STK39: variants seen among roughly 807,000 people sequenced by gnomAD.
The protein encoded by STK39 is STE20/SPS1-related proline-alanine-rich protein kinase.
STK39 carries 20 observed loss-of-function variants against 77.8 expected under a neutral mutation model. That is an observed-to-expected ratio of 0.26 (90% CI 0.18 to 0.37). The LOEUF (loss-of-function observed/expected upper bound fraction) is 0.37. Among genes scored for constraint, STK39 ranks in the 10% least tolerant of loss-of-function variants. The probability of loss-of-function intolerance (pLI) is 1.00; values close to 1 mark genes in which losing one functional copy is unlikely to be tolerated. For synonymous variants in STK39, 246 were observed against 234.1 expected (o/e 1.05, Z -0.47); for missense variants, 479 against 656.5 (o/e 0.73, Z 2.95).
At chr2:168,220,007 T>TG (rs760068154) in intron 1 of STK39, among the ~76,000 whole-genome samples, 1 of 152,084 alleles carries the variant, frequency 6.6e-6, no homozygotes, top group Non-Finnish European at 1.5e-5. Context: ...AGGAAAGAGA[T>TG]GGAGAGCCTT....
chr2:168,104,836 T>C (rs747734625), intron 10 of STK39, among the ~76,000 whole-genome samples: 13 of 152,126 alleles, frequency 8.5e-5, no homozygotes, highest in Non-Finnish European at 1.5e-4. Flanking sequence ...AAATGACACA[T>C]ACACAAGAAT....
intron 10 of STK39, among the ~76,000 whole-genome samples, chr2:168,094,128 A>G (rs905350476): frequency 1.1e-4 from 17 of 152,142 alleles, no homozygotes; most frequent in Non-Finnish European, 1.5e-5. Context: ...CCCAGCATTC[A>G]TCCTGATGCT....
chr2:168,200,684 AAAAATAAAAT>A (rs57515359), intron 1 of STK39, among the ~76,000 whole-genome samples: 48,382 of 150,024 alleles, frequency 0.32, 8,074 homozygotes, highest in East Asian at 0.46. Context: ...CTCAAAACAT[AAAAATAAAAT>A]AAAATAAAAT....
Position 168,055,254 on chromosome 2 carries a change from T to C in STK39, c.1376+8246A>G, listed in dbSNP as rs192305119. Among the ~76,000 whole-genome samples the C allele has an allele frequency of 1.5e-3, 223 of 152,340 alleles. 1 individual carries two copies. Among genetic ancestry groups the C allele is most frequent in the African/African-American group, 4.9e-3 (205 of 41,590 alleles). On this transcript the variant is annotated intron_variant, in intron 14 of 17. Transcript: ENST00000355999. ...ACAGTTTAAGAATTATAATTCCTCC[T>C]GAATAATGATGGAATTAGAATTCTG...
rs972815358 is a variant in STK39, at chr2:168,200,453, C to T, written c.209-18363G>A. 2.0e-5 allele frequency among the ~76,000 whole-genome samples: 3 copies of T among 152,074 alleles called. No individual in the cohort carries two copies. In the East Asian group the frequency reaches 5.8e-4, roughly 29 times the overall value. ...GCTGAGGCAGGTGGATTGCTTGAAACCAGGAGTTCAAGACCAGCCTGCCCA... is the reference window on the plus strand; with the variant it reads ...GCTGAGGCAGGTGGATTGCTTGAAATCAGGAGTTCAAGACCAGCCTGCCCA... On this transcript the variant is annotated intron_variant, in intron 1 of 17. Coordinates refer to ENST00000355999, the MANE Select transcript of STK39 (RefSeq NM_013233.3).
chr2:168,045,306 G>A (rs1429159073), intron 14 of STK39, among the ~76,000 whole-genome samples: 1 of 152,110 alleles, frequency 6.6e-6, no homozygotes, highest in South Asian at 2.1e-4. Flanking sequence ...ACACAACAGA[G>A]CTGGAAGGCA....
At chr2:168,239,585 G>C (rs1187705388) in intron 1 of STK39, among the ~76,000 whole-genome samples, 1 of 152,240 alleles carries the variant, frequency 6.6e-6, no homozygotes, top group Non-Finnish European at 1.5e-5. Flanking sequence ...CCACGGGCAA[G>C]ATCAAATCCT....
At chr2:167,961,978 A>G (rs1430879914) in intron 17 of STK39, among the ~76,000 whole-genome samples, 1 of 152,158 alleles carries the variant, frequency 6.6e-6, no homozygotes, top group Non-Finnish European at 1.5e-5. Context: ...CATGCTCTCA[A>G]CAACCATTCA....
intron 15 of STK39, among the ~76,000 whole-genome samples, chr2:168,014,020 C>A (rs939930740): frequency 1.3e-5 from 2 of 148,364 alleles, no homozygotes; most frequent in African/African-American, 4.9e-5. Flanking sequence ...TTTATACTTC[C>A]AGAGAAACTG....
At chr2:168,074,808 G>A (rs566219577) in intron 12 of STK39, among the ~76,000 whole-genome samples, 174 bp downstream of exon 12, 8 of 152,112 alleles carry the variant, frequency 5.3e-5, no homozygotes, top group Non-Finnish European at 8.8e-5. Context: ...AATTTGCCCC[G>A]ATTTATTCAG....
At chr2:168,045,077 C>A (rs886399090) in intron 14 of STK39, among the ~76,000 whole-genome samples, 24 of 150,900 alleles carry the variant, frequency 1.6e-4, no homozygotes, top group Admixed American at 1.2e-3. Flanking sequence ...ACAAAAAAAC[C>A]AAAAAAAACC....
intron 16 of STK39, among the ~76,000 whole-genome samples, chr2:167,975,738 T>C (rs1683260141): frequency 6.6e-6 from 1 of 152,148 alleles, no homozygotes; most frequent in Non-Finnish European, 1.5e-5. Flanking sequence ...GCCGCAAACC[T>C]GGGAGGCGGA....
chr2:167,995,226 C>T (rs913852974), intron 16 of STK39, among the ~76,000 whole-genome samples: 2 of 151,970 alleles, frequency 1.3e-5, no homozygotes, highest in Non-Finnish European at 1.5e-5. Context: ...TCTCCTGCCT[C>T]AGCCTGCTGA....
chr2:168,071,072 A>C (rs989071999), intron 12 of STK39, among the ~76,000 whole-genome samples: 1 of 152,114 alleles, frequency 6.6e-6, no homozygotes, highest in Non-Finnish European at 1.5e-5. Flanking sequence ...ACTTCCTAGG[A>C]GGTCAAATAG....
intron 1 of STK39, among the ~76,000 whole-genome samples, chr2:168,218,462 T>C (rs10208207): frequency 0.58 from 88,594 of 152,076 alleles, 29,326 homozygotes; most frequent in Non-Finnish European, 0.78. Flanking sequence ...CAGGGTCAGG[T>C]CATAGGACAG....
intron 10 of STK39, among the ~76,000 whole-genome samples, chr2:168,095,109 C>T (rs1457821745): frequency 6.6e-6 from 1 of 152,150 alleles, no homozygotes; most frequent in Non-Finnish European, 1.5e-5. Flanking sequence ...CAGCTTCTTC[C>T]AGCCTGATCT....
intron 1 of STK39, among the ~76,000 whole-genome samples, chr2:168,246,356 C>CAAGGAAAAGTAAA (rs1690898363): frequency 6.6e-6 from 1 of 152,214 alleles, no homozygotes; most frequent in African/African-American, 2.4e-5. Context: ...CCGAGCCCTG[C>CAAGGAAAAGTAAA]GACTCTGCCA....
chr2:168,106,873 G>A (rs1337497638), intron 10 of STK39, among the ~76,000 whole-genome samples: 2 of 152,252 alleles, frequency 1.3e-5, no homozygotes, highest in Non-Finnish European at 2.9e-5. Context: ...AAATACGTAT[G>A]TATGTATTAT....
intron 5 of STK39, among the ~76,000 whole-genome samples, chr2:168,158,445 G>A (rs3820862): frequency 0.5 from 75,542 of 151,938 alleles, 18,972 homozygotes; most frequent in East Asian, 0.63. Flanking sequence ...TTGTGTTTCA[G>A]CCTGAAGGAG....
Sources: gnomAD v4.1 joint callset for allele counts (sites outside exome capture counted in the v4.1 genomes callset) on GRCh38, gnomAD v4.1.1 for gene constraint, MANE v1.5 for transcripts, NCBI Gene and HGNC (gene_info 2026-07-23, HGNC 2026-07-21) for gene names.